RYR3: variants seen among roughly 807,000 people sequenced by gnomAD.
RYR3 encodes the protein brain ryanodine receptor-calcium release channel.
In RYR3, 207 loss-of-function variants were observed where a neutral mutation model predicts 584.3. The ratio of observed to expected loss-of-function variants is 0.35; its 90% CI spans 0.32 to 0.40. The LOEUF (loss-of-function observed/expected upper bound fraction) is 0.40. Among genes scored for constraint, RYR3 ranks in the 10% least tolerant of loss-of-function variants. The pLI, the probability that RYR3 is intolerant of heterozygous loss-of-function variation, is 1.00. For missense variants in RYR3, 5,616 were observed against 6,089.2 expected (o/e 0.92, Z 2.59); for synonymous variants, 2,416 against 2,248.5 (o/e 1.07, Z -2.11).
chr15:33,462,151 G>A (rs964917424), intron 1 of RYR3, among the ~76,000 whole-genome samples: 2 of 152,114 alleles, frequency 1.3e-5, no homozygotes, highest in Non-Finnish European at 2.9e-5. Flanking sequence ...CTAAAAGTCA[G>A]CCCATAAATT....
intron 13 of RYR3, among the ~76,000 whole-genome samples, chr15:33,581,217 C>T (rs1321624210): frequency 6.6e-6 from 1 of 152,146 alleles, no homozygotes; most frequent in Non-Finnish European, 1.5e-5. Context: ...CTCATTCACC[C>T]TCCCTCTTCC....
At chr15:33,654,234 C>T (rs1244850515) in intron 32 of RYR3, among the ~76,000 whole-genome samples, 6 of 151,994 alleles carry the variant, frequency 3.9e-5, no homozygotes, top group African/African-American at 1.5e-4. Flanking sequence ...TTTTTACGGG[C>T]CAGGCATGGA....
chr15:33,644,508 C>T lies in RYR3; in HGVS notation c.3754C>T (p.Pro1252Ser). 1 of 1,612,924 alleles carries T rather than the reference C, an allele frequency of 6.2e-7. No individual in the cohort carries two copies. The highest frequency in any genetic ancestry group is 2.2e-5 in the East Asian group (1 of 44,856). ...GTTTGTCAACGTGCCAAAGGATCAT[C>T]CACACATAGAGGTAATGTTACACAA... Reference protein sequence around the residue: ...PTFVNVPKDHPHIEVMRIDGT... With the variant: ...PTFVNVPKDHSHIEVMRIDGT... The change falls in exon 28 of 104, where the codon CCA becomes TCA. Residue 1252 changes from proline to serine, a missense_variant. By Grantham distance (74) the Pro-to-Ser change is moderately conservative (BLOSUM62 -1). Around this residue, in one of 9 missense-constraint regions of RYR3, gnomAD observed 753 missense variants for 741.0 expected, o/e 1.02. Transcript: ENST00000634891.
chr15:33,761,282 G>A (rs879265756), intron 60 of RYR3, among the ~76,000 whole-genome samples: 5 of 151,376 alleles, frequency 3.3e-5, no homozygotes, highest in South Asian at 2.1e-4. Context: ...ATAGAGACAC[G>A]AAAAACCCTT....
intron 86 of RYR3, among the ~76,000 whole-genome samples, chr15:33,834,741 T>C (rs116143450): frequency 1.1e-3 from 172 of 152,366 alleles, no homozygotes; most frequent in African/African-American, 3.9e-3. Context: ...AAAGAAAGTA[T>C]CTGAAAATCA....
chr15:33,581,860 A>G (rs574011165), intron 14 of RYR3, among the ~76,000 whole-genome samples: 5 of 152,228 alleles, frequency 3.3e-5, no homozygotes, highest in African/African-American at 1.2e-4. Context: ...CCCTGTAACT[A>G]CCTGGGAAAC....
chr15:33,445,201 C>G (rs1440154064), intron 1 of RYR3, among the ~76,000 whole-genome samples: 5 of 152,122 alleles, frequency 3.3e-5, no homozygotes, highest in African/African-American at 1.2e-4. Flanking sequence ...GTGGTGAGAG[C>G]TTGGGCTAGA....
chr15:33,344,475 G>A lies in RYR3; in HGVS notation c.51+33379G>A, dbSNP rs182206754. ...GTTCCCCATTTGCTTGTTTTTGTAC[G>A]TTCATTTTTAGTGGACAATATATAT... On this transcript the variant is annotated intron_variant, in intron 1 of 103. Coordinates refer to ENST00000634891, the MANE Select transcript of RYR3 (RefSeq NM_001036.6). Among the ~76,000 whole-genome samples the A allele has an allele frequency of 2.0e-4, 30 of 152,014 alleles. 1 individual carries two copies. The East Asian group carries it at 3.5e-3, about 18-fold the overall frequency.
chr15:33,692,807 A>C lies in RYR3; in HGVS notation c.5861-3411A>C, dbSNP rs996714550. ...CCTCTAGTGAGGTGTTTTGCTTTACATGCTCTCTAGGCCATAAATATTTGT... is the reference window on the plus strand; with the variant it reads ...CCTCTAGTGAGGTGTTTTGCTTTACCTGCTCTCTAGGCCATAAATATTTGT... On this transcript the variant is annotated intron_variant, in intron 38 of 103. Transcript: ENST00000634891. Among the ~76,000 whole-genome samples, 3 of 152,042 alleles carry C rather than the reference A, an allele frequency of 2.0e-5. No homozygotes were observed. The East Asian group carries it at 5.8e-4, about 29-fold the overall frequency.
chr15:33,754,631 C>T (rs959952448), intron 57 of RYR3, among the ~76,000 whole-genome samples: 1 of 152,190 alleles, frequency 6.6e-6, no homozygotes, highest in Non-Finnish European at 1.5e-5. Flanking sequence ...TTAAAATATA[C>T]CCAGAGGCTG....
chr15:33,564,923 A>C (rs2057619740), intron 11 of RYR3, among the ~76,000 whole-genome samples: 1 of 152,242 alleles, frequency 6.6e-6, no homozygotes, highest in Non-Finnish European at 1.5e-5. Context: ...CTCTCTAAAA[A>C]TACAAAGGAT....
chr15:33,429,581 T>G (rs1462937601), intron 1 of RYR3, among the ~76,000 whole-genome samples: 1 of 152,242 alleles, frequency 6.6e-6, no homozygotes, highest in Non-Finnish European at 1.5e-5. Context: ...TTCATTGTGC[T>G]CTAATGAATC....
At chr15:33,539,844 T>C (rs1034777435) in intron 6 of RYR3, among the ~76,000 whole-genome samples, 1 of 152,060 alleles carries the variant, frequency 6.6e-6, no homozygotes, top group African/African-American at 2.4e-5. Flanking sequence ...ATACTGTCTA[T>C]TAAGTAGAAG....
chr15:33,399,683 G>A (rs959767164), intron 1 of RYR3, among the ~76,000 whole-genome samples: 1 of 152,008 alleles, frequency 6.6e-6, no homozygotes, highest in Non-Finnish European at 1.5e-5. Context: ...GTTCATGGGC[G>A]ACAGCTGCTT....
chr15:33,315,166 G>A (rs935002700), intron 1 of RYR3, among the ~76,000 whole-genome samples: 1 of 152,156 alleles, frequency 6.6e-6, no homozygotes, highest in Non-Finnish European at 1.5e-5. Flanking sequence ...AGGGTGCCCA[G>A]GACAAATTCC....
At chr15:33,720,602 G>A (rs527792145) in intron 43 of RYR3, among the ~76,000 whole-genome samples, 16 of 152,326 alleles carry the variant, frequency 1.1e-4, no homozygotes, top group East Asian at 3.9e-4. Flanking sequence ...GGTGGCTCAC[G>A]CCTGTAATCC....
chr15:33,767,277 C>G (rs1343485951), intron 60 of RYR3, among the ~76,000 whole-genome samples: 2 of 151,794 alleles, frequency 1.3e-5, no homozygotes, highest in Non-Finnish European at 2.9e-5. Context: ...GGGTTAGCCC[C>G]TCGCTTCAGC....
chr15:33,797,466 A>C (rs1047589855), intron 67 of RYR3, among the ~76,000 whole-genome samples: 1 of 152,090 alleles, frequency 6.6e-6, no homozygotes. Context: ...TTCTCCCACA[A>C]ATACCTTCCT....
intron 1 of RYR3, among the ~76,000 whole-genome samples, chr15:33,434,952 G>C (rs1226295881): frequency 6.6e-6 from 1 of 151,986 alleles, no homozygotes; most frequent in Non-Finnish European, 1.5e-5. Flanking sequence ...CGAGTAGCTG[G>C]GACTACAGGT....
Sources: allele counts gnomAD v4.1 joint callset (sites outside exome capture counted in the v4.1 genomes callset), GRCh38; gene constraint gnomAD v4.1.1; regional missense constraint gnomAD v4.1.1; transcripts MANE v1.5; gene names NCBI Gene and HGNC (gene_info 2026-07-23, HGNC 2026-07-21).